The following FBXW10 variants were observed in gnomAD, a reference collection of about 807,000 sequenced individuals.
FBXW10 encodes F-box/WD repeat-containing protein 10.
A neutral mutation model predicts 113.1 loss-of-function variants in FBXW10; 68 were observed. That is an observed-to-expected ratio of 0.60 (90% CI 0.49 to 0.74). The LOEUF (loss-of-function observed/expected upper bound fraction) is 0.74, where lower values mean the gene tolerates loss of function less well. Ranked by LOEUF, FBXW10 falls within the 30% of genes least tolerant of loss-of-function variation. FBXW10 has a pLI of 0.00. For missense variants in FBXW10, 753 were observed against 1,284.5 expected (o/e 0.59, Z 6.32); for synonymous variants, 289 against 481.6 (o/e 0.60, Z 5.24).
At chr17:18,755,313 T>C (rs1164123344) in intron 5 of FBXW10, among the ~76,000 whole-genome samples, 1 of 151,754 alleles carries the variant, frequency 6.6e-6, no homozygotes, top group African/African-American at 2.4e-5. Context: ...TCCCAGCACT[T>C]TGGGAAGCCG....
chr17:18,772,726 A>G, intron 12 of FBXW10, 43 bp downstream of exon 12: 1 of 1,567,612 alleles, frequency 6.4e-7, no homozygotes, highest in Non-Finnish European at 8.7e-7. Flanking sequence ...TAACCCACAG[A>G]GCAGGTCGGG....
Position 18,750,912 on chromosome 17 carries a change from A to T in FBXW10, c.1000-19A>T, listed in dbSNP as rs766200951. On this transcript the variant is annotated intron_variant, in intron 4 of 13. Coordinates refer to ENST00000395665, the MANE Select transcript of FBXW10 (RefSeq NM_001267585.2). Reference sequence around the variant, plus strand: ...TTTTCTGTTTTTATTTTTATTTTTTATTTTTTGTCTTTTTCCAGGGGTCCT... The same window carrying T: ...TTTTCTGTTTTTATTTTTATTTTTTTTTTTTTGTCTTTTTCCAGGGGTCCT... 44 of 1,605,348 alleles carry T rather than the reference A, an allele frequency of 2.7e-5. No individual in the cohort carries two copies. The highest frequency in any genetic ancestry group is 3.7e-5 in the Non-Finnish European group (43 of 1,176,648).
chr17:18,778,167 G>A (rs567492186), intron 13 of FBXW10, among the ~76,000 whole-genome samples: 10 of 152,272 alleles, frequency 6.6e-5, no homozygotes, highest in Middle Eastern at 6.8e-3. Flanking sequence ...GCAGGAGAAC[G>A]GCGTGAACCC....
Position 18,766,765 on chromosome 17 carries a change from C to A in FBXW10, c.1607C>A (p.Pro536His). Reference protein sequence around the residue: ...KCLKTFRHKDPILATRINDTY... With the variant: ...KCLKTFRHKDHILATRINDTY... ...CTGAAGACGTTTAGACACAAAGACC[C>A]CATCTTGGCCACCAGGATCAATGAT... Residue 536 changes from proline (P) to histidine (H), a missense_variant, in exon 9 of 14, where the codon CCC (proline) becomes CAC (histidine). Physicochemically the swap from Pro to His is moderately conservative, Grantham distance 77. Coordinates refer to ENST00000395665, the MANE Select transcript of FBXW10 (RefSeq NM_001267585.2). 1 of 1,613,288 alleles carries A rather than the reference C, an allele frequency of 6.2e-7. No homozygotes were observed. Among genetic ancestry groups the A allele is most frequent in the Non-Finnish European group, 8.5e-7 (1 of 1,179,408 alleles).
intron 13 of FBXW10, among the ~76,000 whole-genome samples, chr17:18,775,395 C>T (rs952462005): frequency 1.3e-5 from 2 of 152,232 alleles, no homozygotes; most frequent in African/African-American, 4.8e-5. Context: ...CTTTGAGAAA[C>T]TGGAATGAAT....
At position 18,751,013 on chromosome 17, in the gene FBXW10, G is replaced by A. The variant is rs754706695; in HGVS notation, c.1082G>A (p.Ser361Asn). 8 of 1,614,162 alleles carry A rather than the reference G, an allele frequency of 5.0e-6. No individual in the cohort carries two copies. In the Middle Eastern group the frequency reaches 5.0e-4, roughly 100 times the overall value. ...CCTAAAATGGTAGATGACGGGAAGA[G>A]CATGCGTGTGAAACATCCGAAGTGG... ...PVPKMVDDGKSMRVKHPKWKL... is the reference protein window; with the variant it reads ...PVPKMVDDGKNMRVKHPKWKL... The change falls in exon 5 of 14, where the codon AGC (serine) becomes AAC (asparagine). Residue 361 changes from serine (S) to asparagine (N), a missense_variant. Transcript: ENST00000395665.
chr17:18,769,399 C>T (rs1419646084), intron 10 of FBXW10: 1 of 152,992 alleles, frequency 6.5e-6, no homozygotes, highest in Non-Finnish European at 1.5e-5. Flanking sequence ...TCTTGTGGCC[C>T]TGTGACCTAA....
intron 11 of FBXW10, 67 bp downstream of exon 11, chr17:18,770,152 C>G: frequency 6.2e-7 from 1 of 1,603,384 alleles, no homozygotes; most frequent in Non-Finnish European, 8.5e-7. Flanking sequence ...TTTTTCCTCC[C>G]CTGGGATACC....
chr17:18,751,075 G>C (rs752402292), intron 5 of FBXW10, 22 bp downstream of exon 5: 28 of 1,613,420 alleles, frequency 1.7e-5, no homozygotes, highest in Middle Eastern at 1.6e-4. Context: ...CAGCATCTGG[G>C]GCAAGTAGCT....
At chr17:18,761,717 G>C (rs1218222978) in intron 7 of FBXW10, among the ~76,000 whole-genome samples, 1 of 152,120 alleles carries the variant, frequency 6.6e-6, no homozygotes, top group African/African-American at 2.4e-5. Flanking sequence ...GATCATCTGT[G>C]TTCTTTCTTA....
Position 18,748,104 on chromosome 17 carries a change from T to C in FBXW10, c.669T>C (p.Pro223=), listed in dbSNP as rs761289184. 2 of 1,613,760 alleles carry C rather than the reference T, an allele frequency of 1.2e-6. No homozygotes were observed. Among genetic ancestry groups the C allele is most frequent in the Non-Finnish European group, 1.7e-6 (2 of 1,179,780 alleles). Residue 223 remains proline (P), a splice_region_variant and synonymous_variant, in exon 2 of 14, where the codon CCT becomes CCC. Coordinates refer to ENST00000395665, the MANE Select transcript of FBXW10 (RefSeq NM_001267585.2). The stretch of plus-strand genomic sequence containing the variant: ...ACTTGCTTGGGGCAGCATCTAACCC[T>C]GGTAAGTGAACTTTCAGCAAGAAAG... ...NEHLLGAASN[P]EEPWRNSLRC...
chr17:18,763,058 A>T (rs993023553), intron 7 of FBXW10, among the ~76,000 whole-genome samples: 2 of 150,174 alleles, frequency 1.3e-5, no homozygotes, highest in African/African-American at 4.9e-5. Context: ...AACCCTTGGG[A>T]ATATTAGAAG....
Position 18,778,611 on chromosome 17 carries a change from C to A in FBXW10, c.2472C>A (p.His824Gln). 2 of 1,613,842 alleles carry A rather than the reference C, an allele frequency of 1.2e-6. No individual in the cohort carries two copies. Among genetic ancestry groups the A allele is most frequent in the Non-Finnish European group, 8.5e-7 (1 of 1,179,872 alleles). ...TCCTGACTGTTAGCGCCCTGCAGCA[C>A]GCCCATAATTCCGGGGAATTTGCCT... Reference protein sequence around the residue: ...QFLLTVSALQHAHNSGEFAYP... With the variant: ...QFLLTVSALQQAHNSGEFAYP... Residue 824 changes from histidine (H) to glutamine (Q), a missense_variant, in exon 14 of 14, where the codon CAC becomes CAA. Coordinates refer to ENST00000395665, the MANE Select transcript of FBXW10 (RefSeq NM_001267585.2).
At chr17:18,753,220 C>A (rs1567616901) in intron 5 of FBXW10, among the ~76,000 whole-genome samples, 1 of 152,172 alleles carries the variant, frequency 6.6e-6, no homozygotes, top group African/African-American at 2.4e-5. Context: ...CCAAACTTCA[C>A]CCTCATACAG....
intron 5 of FBXW10, among the ~76,000 whole-genome samples, chr17:18,753,382 C>T (rs2035205544): frequency 6.6e-6 from 1 of 151,960 alleles, no homozygotes; most frequent in Non-Finnish European, 1.5e-5. Flanking sequence ...CAGATAAGCA[C>T]AACAAAGAGA....
rs1184853797 is a variant in FBXW10 at position 18,744,454 on chromosome 17, AC to A, written c.211del (p.His71ThrfsTer32). The A allele has an allele frequency of 6.2e-7, 1 of 1,613,660 alleles. No individual in the cohort carries two copies. Among genetic ancestry groups the A allele is most frequent in the African/African-American group, 1.3e-5 (1 of 74,828 alleles). ...LKQLNSLYLL[H>X]YFQNILQTTQ... ...AGCAGTTAAATAGCTTATATTTGTT[AC>A]ACTATTTCCAAAATATCCTTCAGAC... On this transcript the variant is annotated frameshift_variant, in exon 1 of 14. Coordinates refer to ENST00000395665, the MANE Select transcript of FBXW10 (RefSeq NM_001267585.2). LOFTEE classifies it high-confidence loss of function.
chr17:18,753,199 T>G (rs975584431), intron 5 of FBXW10, among the ~76,000 whole-genome samples: 2 of 152,208 alleles, frequency 1.3e-5, no homozygotes, highest in Non-Finnish European at 1.5e-5. Context: ...GGACAGTCTC[T>G]TGGGTAACTA....
chr17:18,771,940 G>A (rs186187440), intron 11 of FBXW10, among the ~76,000 whole-genome samples: 3 of 151,852 alleles, frequency 2.0e-5, no homozygotes, highest in African/African-American at 7.2e-5. Context: ...AAACCCTGTC[G>A]CTACTAAAAA....
In FBXW10 at chr17:18,779,177, T is replaced by C. The variant is rs373632534; in HGVS notation, c.3038T>C (p.Val1013Ala). Residue 1013 changes from valine (V) to alanine (A), a missense_variant, in exon 14 of 14, where the codon GTT becomes GCT. Val to Ala is a moderately conservative substitution (Grantham distance 64). Transcript: ENST00000395665. ...EYQARESTGV[V>A]DPGKVSKAAW... ...CAGGCCAGGGAGTCCACTGGAGTGG[T>C]TGATCCAGGAAAAGTCAGCAAAGCT... 107 of 1,324,918 alleles carry C rather than the reference T, an allele frequency of 8.1e-5. 29 individuals are homozygous for C. The highest frequency in any genetic ancestry group is 1.1e-4 in the Non-Finnish European group (101 of 944,262). The allele number at this position is 1,324,918 out of a possible 1,614,324, so 82.1% of individuals were successfully genotyped here.
Sources: gnomAD v4.1 joint callset for allele counts (sites outside exome capture counted in the v4.1 genomes callset) on GRCh38, gnomAD v4.1.1 for gene constraint, MANE v1.5 for transcripts, NCBI Gene and HGNC (gene_info 2026-07-23, HGNC 2026-07-21) for gene names.